C10orf67: variants seen among roughly 807,000 people sequenced by gnomAD.
C10orf67 encodes the protein uncharacterized protein C10orf67, mitochondrial.
C10orf67 carries 60 observed loss-of-function variants against 35.6 expected under a neutral mutation model. The ratio of observed to expected loss-of-function variants is 1.68; its 90% CI spans 1.37 to 2.09. C10orf67 has a LOEUF of 2.09. Ranked by LOEUF, C10orf67 falls within the 30% of genes most tolerant of loss-of-function variation. The probability of loss-of-function intolerance (pLI) is 0.00; values close to 1 mark genes in which losing one functional copy is unlikely to be tolerated. For missense variants in C10orf67, 474 were observed against 330.2 expected, an observed-to-expected ratio of 1.44 and a Z score of -3.38; for synonymous variants, 167 against 115.8, an observed-to-expected ratio of 1.44 and a Z score of -2.84.
In C10orf67 at chr10:23,270,253, G is replaced by A. The variant is rs200855659; in HGVS notation, c.976-2999C>T. 5.3e-5 allele frequency among the ~76,000 whole-genome samples: 8 copies of A among 152,282 alleles called. No individual in the cohort carries two copies. The East Asian group carries it at 1.4e-3, about 26-fold the overall frequency. On this transcript the variant is annotated intron_variant, in intron 8 of 15. Transcript: ENST00000636213. ...TGAAGAAAAGCAGGGTGGGGTGATG[G>A]TCCACCCAGAAGTGGCACAGAGCCA...
intron 4 of C10orf67, among the ~76,000 whole-genome samples, chr10:23,308,327 C>T (rs1456271766): frequency 2.0e-5 from 3 of 152,128 alleles, no homozygotes; most frequent in African/African-American, 7.2e-5. Flanking sequence ...TTGTCACTTC[C>T]CTCCAATCTT....
At chr10:23,336,765 GGCCTCCCAAA>G (rs1403060927) in intron 1 of C10orf67, among the ~76,000 whole-genome samples, 18 of 151,898 alleles carry the variant, frequency 1.2e-4, no homozygotes, top group African/African-American at 4.4e-4. Context: ...CACCTGCCTC[GGCCTCCCAAA>G]GTGCTGGGAT....
chr10:23,252,744 TTTTG>T (rs1842490129), intron 10 of C10orf67, among the ~76,000 whole-genome samples: 1 of 152,170 alleles, frequency 6.6e-6, no homozygotes. Flanking sequence ...TTTTGTTTTG[TTTTG>T]TTTGTTTTTG....
intron 15 of C10orf67, among the ~76,000 whole-genome samples, chr10:23,208,100 A>G (rs1372437756): frequency 1.3e-5 from 2 of 152,200 alleles, no homozygotes; most frequent in Admixed American, 6.5e-5. Flanking sequence ...TTTCATTCGA[A>G]CGTTTGGTCT....
intron 2 of C10orf67, among the ~76,000 whole-genome samples, chr10:23,327,872 A>G (rs1845258801): frequency 6.6e-6 from 1 of 152,102 alleles, no homozygotes; most frequent in Non-Finnish European, 1.5e-5. Flanking sequence ...ATTGACAAAG[A>G]CTGACCTCAC....
intron 4 of C10orf67, among the ~76,000 whole-genome samples, chr10:23,320,034 G>A (rs1844882395): frequency 6.6e-6 from 1 of 152,142 alleles, no homozygotes; most frequent in Non-Finnish European, 1.5e-5. Context: ...TTACGTACCA[G>A]TCACAGCGCT....
At chr10:23,212,117 G>A (rs1030115492) in intron 15 of C10orf67, among the ~76,000 whole-genome samples, 8 of 152,166 alleles carry the variant, frequency 5.3e-5, no homozygotes, top group African/African-American at 1.4e-4. Context: ...GAATGTGAAC[G>A]CAGAGATGTA....
At position 23,279,356 on chromosome 10, in the gene C10orf67, C is replaced by T. The variant is rs1230666198; in HGVS notation, c.975+2657G>A. ...TGTAAACGTGGTTTTGCACAGGCCACGGAAACATCTGTTTCCTAACTGGAT... is the reference window on the plus strand; with the variant it reads ...TGTAAACGTGGTTTTGCACAGGCCATGGAAACATCTGTTTCCTAACTGGAT... On this transcript the variant is annotated intron_variant, in intron 8 of 15. Transcript: ENST00000636213. Among the ~76,000 whole-genome samples, 7 of 152,338 alleles carry T rather than the reference C, an allele frequency of 4.6e-5. No individual in the cohort carries two copies. In the South Asian group the frequency reaches 6.2e-4, roughly 14 times the overall value.
chr10:23,206,555 C>T (rs1025206015), intron 15 of C10orf67, among the ~76,000 whole-genome samples: 1 of 152,182 alleles, frequency 6.6e-6, no homozygotes, highest in Non-Finnish European at 1.5e-5. Flanking sequence ...GTTGCTTGAA[C>T]ACATCAGAAT....
intron 2 of C10orf67, among the ~76,000 whole-genome samples, chr10:23,330,104 A>T (rs1166349483): frequency 6.6e-6 from 1 of 152,180 alleles, no homozygotes. Context: ...AATTAGAAAT[A>T]GAAGAAGACA....
rs1005495629 is a variant in C10orf67 at position 23,223,782 on chromosome 10, T to C, written c.1471A>G (p.Met491Val). 5.6e-6 allele frequency: 4 copies of C among 715,372 alleles called. No individual in the cohort carries two copies. The highest frequency in any genetic ancestry group is 2.7e-5 in the East Asian group (1 of 37,284). The allele number at this position is 715,372 out of a possible 1,614,324, so 44.3% of individuals were successfully genotyped here. A position where few individuals can be genotyped will look rare whatever the true frequency, so the allele number is the denominator to read the frequency against. ...KPLLVQSRTTMTAISSSSHCT... is the reference protein window; with the variant it reads ...KPLLVQSRTTVTAISSSSHCT... Reference sequence around the variant, plus strand: ...TGACTTGAAGAGGATATAGCTGTCATGGTCGTTCTAGACTGCACTAATAAG... The same window carrying C: ...TGACTTGAAGAGGATATAGCTGTCACGGTCGTTCTAGACTGCACTAATAAG... The change falls in exon 14 of 16, where the codon ATG becomes GTG. Residue 491 changes from methionine (M) to valine (V), a missense_variant. Physicochemically the swap from Met to Val is conservative, Grantham distance 21. Transcript: ENST00000636213.
intron 10 of C10orf67, among the ~76,000 whole-genome samples, chr10:23,263,093 A>G (rs1842795020): frequency 6.6e-6 from 1 of 152,334 alleles, no homozygotes; most frequent in African/African-American, 2.4e-5. Context: ...GTATTACTAC[A>G]TTGCCTAGCG....
At chr10:23,238,965 G>A (rs904544040) in intron 13 of C10orf67, among the ~76,000 whole-genome samples, 2 of 151,882 alleles carry the variant, frequency 1.3e-5, no homozygotes, top group African/African-American at 4.8e-5. Context: ...TTTAGAAAAT[G>A]GTCTTAAAGT....
chr10:23,227,510 C>A (rs1841773359), intron 13 of C10orf67, among the ~76,000 whole-genome samples: 1 of 152,136 alleles, frequency 6.6e-6, no homozygotes, highest in Non-Finnish European at 1.5e-5. Context: ...TGGAAGCAGT[C>A]CCTTTGAAAA....
At chr10:23,286,233 A>C (rs1253247165) in intron 7 of C10orf67, among the ~76,000 whole-genome samples, 1 of 150,596 alleles carries the variant, frequency 6.6e-6, no homozygotes, top group Non-Finnish European at 1.5e-5. Flanking sequence ...TTCTGCAAAA[A>C]TAAAAAAATA....
chr10:23,233,947 CAT>C (rs1354180790), intron 13 of C10orf67, among the ~76,000 whole-genome samples: 3 of 152,170 alleles, frequency 2.0e-5, no homozygotes, highest in Admixed American at 1.3e-4. Flanking sequence ...ATATATCACA[CAT>C]GTCACCTATG....
chr10:23,241,647 T>C (rs1371092645), intron 12 of C10orf67, among the ~76,000 whole-genome samples: 2 of 152,184 alleles, frequency 1.3e-5, no homozygotes, highest in Non-Finnish European at 2.9e-5. Flanking sequence ...CTAGATTATT[T>C]AGTGGGCCCA....
At chr10:23,245,676 T>C (rs1288098963) in intron 12 of C10orf67, among the ~76,000 whole-genome samples, 1 of 152,182 alleles carries the variant, frequency 6.6e-6, no homozygotes, top group African/African-American at 2.4e-5. Context: ...CTTGTTAGAA[T>C]GGCTACTATC....
chr10:23,261,209 G>A (rs1842739202), intron 10 of C10orf67, among the ~76,000 whole-genome samples: 1 of 152,118 alleles, frequency 6.6e-6, no homozygotes, highest in African/African-American at 2.4e-5. Context: ...TTAATACAAG[G>A]GCTGAGATAC....
Sources: gnomAD v4.1 joint callset for allele counts (sites outside exome capture counted in the v4.1 genomes callset) on GRCh38, gnomAD v4.1.1 for gene constraint, MANE v1.5 for transcripts, NCBI Gene and HGNC (gene_info 2026-07-23, HGNC 2026-07-21) for gene names.